KATNAL1: variants seen among roughly 807,000 people sequenced by gnomAD.
KATNAL1 encodes the protein katanin p60 ATPase-containing subunit A-like 1.
In KATNAL1, 32 loss-of-function variants were observed where a neutral mutation model predicts 55.2. The ratio of observed to expected loss-of-function variants is 0.58; its 90% CI spans 0.44 to 0.78. KATNAL1 has a LOEUF of 0.78. Ranked by LOEUF, KATNAL1 falls within the 30% of genes least tolerant of loss-of-function variation. The probability of loss-of-function intolerance (pLI) is 0.00; values close to 1 mark genes in which losing one functional copy is unlikely to be tolerated. For synonymous variants in KATNAL1, 193 were observed against 193.6 expected, an observed-to-expected ratio of 1.00 and a Z score of 0.02; for missense variants, 466 against 600.9, an observed-to-expected ratio of 0.78 and a Z score of 2.35.
intron 3 of KATNAL1, among the ~76,000 whole-genome samples, chr13:30,274,907 G>GCGCGCGCGCACACACACA (rs869107567): frequency 2.8e-5 from 3 of 105,390 alleles, no homozygotes; most frequent in East Asian, 2.7e-4. Context: ...GCGCGCGCGC[G>GCGCGCGCGCACACACACA]CACACACACA....
intron 9 of KATNAL1, among the ~76,000 whole-genome samples, chr13:30,219,775 A>G (rs938956170): frequency 2.6e-5 from 4 of 152,224 alleles, no homozygotes; most frequent in African/African-American, 9.7e-5. Flanking sequence ...GAAGCACCCC[A>G]AAGTAATTAC....
chr13:30,243,038 A>T (rs1408169114), intron 4 of KATNAL1, among the ~76,000 whole-genome samples: 1 of 152,206 alleles, frequency 6.6e-6, no homozygotes, highest in Non-Finnish European at 1.5e-5. Context: ...CCAAGATATT[A>T]CTAAGTGTAC....
intron 1 of KATNAL1, among the ~76,000 whole-genome samples, chr13:30,303,964 T>C (rs956406950): frequency 5.3e-5 from 8 of 152,200 alleles, no homozygotes; most frequent in African/African-American, 1.9e-4. Flanking sequence ...GCCACACTGT[T>C]AGTAAGGAAG....
chr13:30,242,605 G>A (rs926280906), intron 4 of KATNAL1, among the ~76,000 whole-genome samples: 8 of 152,280 alleles, frequency 5.3e-5, no homozygotes, highest in African/African-American at 1.4e-4. Context: ...AGAAGAAAGA[G>A]GTTGAAGATA....
intron 4 of KATNAL1, among the ~76,000 whole-genome samples, chr13:30,241,708 G>A (rs1347354451): frequency 6.6e-6 from 1 of 152,076 alleles, no homozygotes; most frequent in Non-Finnish European, 1.5e-5. Flanking sequence ...ACAAGAAAAT[G>A]GTCAAAATGA....
intron 1 of KATNAL1, among the ~76,000 whole-genome samples, chr13:30,305,924 T>C (rs1429030989): frequency 1.3e-5 from 2 of 152,256 alleles, no homozygotes; most frequent in Non-Finnish European, 2.9e-5. Context: ...TCAATTTTGT[T>C]TTCTACCTGT....
chr13:30,234,269 C>T (rs895891204), intron 6 of KATNAL1, among the ~76,000 whole-genome samples: 1 of 152,144 alleles, frequency 6.6e-6, no homozygotes, highest in Non-Finnish European at 1.5e-5. Context: ...TCTACAAATC[C>T]TCTAGCTACT....
In KATNAL1 at chr13:30,273,701, A is replaced by G. The variant is rs182273892; in HGVS notation, c.323+6362T>C. On this transcript the variant is annotated intron_variant, in intron 3 of 10. Coordinates refer to ENST00000380615, the MANE Select transcript of KATNAL1 (RefSeq NM_032116.5). Reference sequence around the variant, plus strand: ...ACTCCAGAATTTTAAGAAAATGAGTATAATCTCAATCTGCCAATAGTATTA... The same window carrying G: ...ACTCCAGAATTTTAAGAAAATGAGTGTAATCTCAATCTGCCAATAGTATTA... Among the ~76,000 whole-genome samples, 24 of 152,350 alleles carry G rather than the reference A, an allele frequency of 1.6e-4. 1 individual carries two copies. The highest frequency in any genetic ancestry group is 5.8e-4 in the African/African-American group (24 of 41,590).
intron 3 of KATNAL1, among the ~76,000 whole-genome samples, chr13:30,270,725 A>G (rs1163529451): frequency 2.0e-5 from 3 of 151,492 alleles, no homozygotes; most frequent in African/African-American, 7.3e-5. Flanking sequence ...ATGCTCCTTA[A>G]GAGTCATCAC....
At chr13:30,291,382 C>A (rs1882121985) in intron 1 of KATNAL1, among the ~76,000 whole-genome samples, 1 of 152,038 alleles carries the variant, frequency 6.6e-6, no homozygotes, top group South Asian at 2.1e-4. Flanking sequence ...AGATCTGTAA[C>A]CTGAGAACTA....
chr13:30,254,341 C>G (rs1221758452), intron 4 of KATNAL1, among the ~76,000 whole-genome samples: 1 of 152,138 alleles, frequency 6.6e-6, no homozygotes, highest in Non-Finnish European at 1.5e-5. Context: ...CAAAAAGGAT[C>G]TGAAATAGAA....
intron 1 of KATNAL1, among the ~76,000 whole-genome samples, chr13:30,305,837 C>A (rs902524121): frequency 6.6e-6 from 1 of 152,220 alleles, no homozygotes; most frequent in Non-Finnish European, 1.5e-5. Context: ...TGGCATAATG[C>A]CTGGCACATA....
At chr13:30,249,502 T>C (rs542177151) in intron 4 of KATNAL1, among the ~76,000 whole-genome samples, 51 of 152,160 alleles carry the variant, frequency 3.4e-4, no homozygotes, top group African/African-American at 1.2e-3. Flanking sequence ...GCAACCCAAA[T>C]ATCCATTAAT....
chr13:30,234,438 A>G (rs1218296617), intron 6 of KATNAL1, among the ~76,000 whole-genome samples: 1 of 152,064 alleles, frequency 6.6e-6, no homozygotes, highest in East Asian at 1.9e-4. Context: ...CTTCTCTCTG[A>G]CCTTTGATGC....
chr13:30,240,677 C>A, intron 5 of KATNAL1, 112 bp from the exon 6 acceptor site: 2 of 754,722 alleles, frequency 2.6e-6, no homozygotes, highest in Admixed American at 2.8e-5. Flanking sequence ...ATAGTAAGAA[C>A]ATTATTCTAA....
chr13:30,230,582 C>A lies in KATNAL1; in HGVS notation c.898G>T (p.Ala300Ser), dbSNP rs202084. 6,644 of 1,601,194 alleles carry A rather than the reference C, an allele frequency of 4.1e-3. 23 individuals carry two copies. The highest frequency in any genetic ancestry group is 4.7e-3 in the Non-Finnish European group (5,461 of 1,172,226). Residue 300 changes from alanine (A) to serine (S), a missense_variant, in exon 8 of 11, where the codon GCC becomes TCC. Ala to Ser is a moderately conservative substitution (Grantham distance 99). This residue lies in a region of KATNAL1 where 213 missense variants were observed against 308.6 expected (regional missense o/e 0.69). Coordinates refer to ENST00000380615, the MANE Select transcript of KATNAL1 (RefSeq NM_032116.5). ...RLLFEMARFYAPTTIFIDEID... is the reference protein window; with the variant it reads ...RLLFEMARFYSPTTIFIDEID... ...TCATCAATGAAGATCGTGGTAGGGG[C>A]ATAAAATCTAGCCTTTATGAAAATA...
intron 3 of KATNAL1, among the ~76,000 whole-genome samples, chr13:30,270,040 C>A (rs1375857520): frequency 1.5e-5 from 2 of 131,030 alleles, no homozygotes; most frequent in African/African-American, 6.1e-5. Flanking sequence ...GTCAGCCCCC[C>A]GCCCGGCCAG....
chr13:30,245,098 C>A lies in KATNAL1; in HGVS notation c.493-4012G>T, dbSNP rs193106472. On this transcript the variant is annotated intron_variant, in intron 4 of 10. Coordinates refer to ENST00000380615, the MANE Select transcript of KATNAL1 (RefSeq NM_032116.5). ...ATACCAAAACCTGGCAGAGTCACAACAAAAAAAGATAATTGCAGGCCAATA... is the reference window on the plus strand; with the variant it reads ...ATACCAAAACCTGGCAGAGTCACAAAAAAAAAAGATAATTGCAGGCCAATA... 3.1e-3 allele frequency among the ~76,000 whole-genome samples: 473 copies of A among 151,366 alleles called. 2 individuals carry two copies. The highest frequency in any genetic ancestry group is 0.011 in the African/African-American group (451 of 41,302).
At chr13:30,212,963 C>G (rs1250770218) in intron 9 of KATNAL1, among the ~76,000 whole-genome samples, 4 of 152,008 alleles carry the variant, frequency 2.6e-5, no homozygotes. Flanking sequence ...TAAGAAGAAG[C>G]GGTTAGGACA....
Sources: allele counts gnomAD v4.1 joint callset (sites outside exome capture counted in the v4.1 genomes callset), GRCh38; gene constraint gnomAD v4.1.1; regional missense constraint gnomAD v4.1.1; transcripts MANE v1.5; gene names NCBI Gene and HGNC (gene_info 2026-07-23, HGNC 2026-07-21).